Variants in PHAF1 observed in about 807,000 individuals in gnomAD.
The protein encoded by PHAF1 is phagophore assembly factor 1.
Under a neutral mutation model 63.1 loss-of-function variants are expected in PHAF1, and 23 were observed. That is an observed-to-expected ratio of 0.36 (90% CI 0.26 to 0.52). PHAF1 has a LOEUF of 0.52. PHAF1 is among the 20% of genes least tolerant of loss of function. PHAF1 has a pLI of 0.93. For synonymous variants in PHAF1, 167 were observed against 185.0 expected (o/e 0.90, Z 0.79); for missense variants, 427 against 517.2 (o/e 0.83, Z 1.69).
intron 3 of PHAF1, 79 bp from the exon 4 acceptor site, chr16:67,131,207 T>A: frequency 1.4e-6 from 1 of 692,438 alleles, no homozygotes; most frequent in Non-Finnish European, 2.3e-6. Context: ...TTTTACTATT[T>A]ATTCTATAAA....
chr16:67,139,343 C>CTTTTT (rs1164245105), intron 8 of PHAF1, among the ~76,000 whole-genome samples: 20 of 86,890 alleles, frequency 2.3e-4, no homozygotes, highest in East Asian at 3.6e-4. Context: ...ACAGCACTGC[C>CTTTTT]TTTTTTTTTT....
chr16:67,147,563 C>A lies in PHAF1; in HGVS notation c.*432C>A. On this transcript the variant is annotated 3_prime_UTR_variant, in exon 16 of 16. Transcript: ENST00000219139. ...CATGACCCTTAAGGCAAGCAGGTAGCGTGTCCATAGTACTTGGTTGCGACA... is the reference window on the plus strand; with the variant it reads ...CATGACCCTTAAGGCAAGCAGGTAGAGTGTCCATAGTACTTGGTTGCGACA... 1 of 169,516 alleles carries A rather than the reference C, an allele frequency of 5.9e-6. No homozygotes were observed. The highest frequency in any genetic ancestry group is 1.3e-5 in the Non-Finnish European group (1 of 79,508). The allele number at this position is 169,516 out of a possible 1,614,324, so 10.5% of individuals were successfully genotyped here. A position where few individuals can be genotyped will look rare whatever the true frequency, so the allele number is the denominator to read the frequency against.
Position 67,143,572 on chromosome 16 carries a change from C to T in PHAF1, c.880-722C>T, listed in dbSNP as rs140128036. ...GGTTTCCTCATCTGTAAAGAGGAAC[C>T]TGCCTTGAAAGTTTGTAAAGCACCT... On this transcript the variant is annotated intron_variant, in intron 10 of 15. Coordinates refer to ENST00000219139, the MANE Select transcript of PHAF1 (RefSeq NM_025187.5). 2.5e-4 allele frequency among the ~76,000 whole-genome samples: 38 copies of T among 152,278 alleles called. No individual in the cohort carries two copies. In the East Asian group the frequency reaches 7.1e-3, roughly 29 times the overall value.
chr16:67,138,102 A>G (rs1042414984), intron 8 of PHAF1, among the ~76,000 whole-genome samples: 1 of 152,106 alleles, frequency 6.6e-6, no homozygotes, highest in Non-Finnish European at 1.5e-5. Context: ...ATACCTGGAT[A>G]TACTTCAAGC....
Position 67,134,254 on chromosome 16 carries a change from G to A in PHAF1, c.537G>A (p.Leu179=), listed in dbSNP as rs1299670270. 6.2e-7 allele frequency: 1 copy of A among 1,613,450 alleles called. No homozygotes were observed. Among genetic ancestry groups the A allele is most frequent in the African/African-American group, 1.3e-5 (1 of 75,036 alleles). Residue 179 remains leucine (L), a synonymous_variant, in exon 7 of 16, where the codon CTG becomes CTA. Coordinates refer to ENST00000219139, the MANE Select transcript of PHAF1 (RefSeq NM_025187.5). ...KRMYIYSGNS[L]QDTKAPMMPL... ...TGTACATCTACAGTGGCAACAGCCT[G>A]CAGGATACCAAGTAAGTATAAGGAG... is the stretch of plus-strand genomic sequence containing the variant.
At chr16:67,130,538 A>G (rs1963354692) in intron 3 of PHAF1, among the ~76,000 whole-genome samples, 1 of 151,584 alleles carries the variant, frequency 6.6e-6, no homozygotes, top group African/African-American at 2.4e-5. Context: ...TGGTAGAGAC[A>G]GGATTTCACC....
chr16:67,116,611 A>C (rs1431249770), intron 1 of PHAF1, among the ~76,000 whole-genome samples: 1 of 152,176 alleles, frequency 6.6e-6, no homozygotes, highest in African/African-American at 2.4e-5. Context: ...GCACTTTAGA[A>C]AGCGGAGGTG....
At chr16:67,144,905 G>A (rs1459818809) in intron 12 of PHAF1, 28 bp downstream of exon 12, 3 of 1,609,778 alleles carry the variant, frequency 1.9e-6, no homozygotes, top group African/African-American at 1.3e-5. Flanking sequence ...TCAGGGTAAG[G>A]GAGGGGTTTT....
chr16:67,131,430 AAT>A (rs1453423372), intron 4 of PHAF1, 101 bp downstream of exon 4: 1 of 887,688 alleles, frequency 1.1e-6, no homozygotes, highest in African/African-American at 1.7e-5. Context: ...CACAGATGTG[AAT>A]TATAGCCTGG....
chr16:67,138,168 A>C (rs1963677726), intron 8 of PHAF1, among the ~76,000 whole-genome samples: 1 of 152,212 alleles, frequency 6.6e-6, no homozygotes, highest in East Asian at 1.9e-4. Context: ...CCCCCATCTG[A>C]CATCCACACG....
chr16:67,118,554 C>T (rs1962845786), intron 1 of PHAF1, among the ~76,000 whole-genome samples: 1 of 151,374 alleles, frequency 6.6e-6, no homozygotes, highest in African/African-American at 2.4e-5. Flanking sequence ...CTAGGTTGGT[C>T]TTGAACTTCT....
chr16:67,124,480 C>G (rs1230682994), intron 2 of PHAF1, among the ~76,000 whole-genome samples: 1 of 152,216 alleles, frequency 6.6e-6, no homozygotes, highest in Non-Finnish European at 1.5e-5. Flanking sequence ...GAGAGAATTT[C>G]TCCAATGAGG....
At chr16:67,131,072 G>C (rs1963374141) in intron 3 of PHAF1, among the ~76,000 whole-genome samples, 1 of 151,332 alleles carries the variant, frequency 6.6e-6, no homozygotes, top group Admixed American at 6.6e-5. Flanking sequence ...GGGCAACATA[G>C]TTTTTTAGTT....
intron 8 of PHAF1, among the ~76,000 whole-genome samples, chr16:67,138,513 C>CTT (rs879753441): frequency 6.9e-6 from 1 of 145,550 alleles, no homozygotes; most frequent in Admixed American, 6.9e-5. Context: ...TCTTGGCTTC[C>CTT]TTTTTTTTTT....
chr16:67,133,765 G>A (rs1005517488), intron 6 of PHAF1, among the ~76,000 whole-genome samples: 2 of 150,396 alleles, frequency 1.3e-5, no homozygotes, highest in African/African-American at 4.9e-5. Flanking sequence ...GGGCGACAGA[G>A]CGAGACTCCG....
intron 10 of PHAF1, among the ~76,000 whole-genome samples, chr16:67,143,961 G>A (rs1433924759): frequency 6.6e-6 from 1 of 152,090 alleles, no homozygotes; most frequent in African/African-American, 2.4e-5. Flanking sequence ...AAACAGCCAG[G>A]CGTGGTGGTG....
intron 11 of PHAF1, 21 bp from the exon 12 acceptor site, chr16:67,144,802 GCCCAGCCTTTA>G: frequency 6.2e-7 from 1 of 1,612,496 alleles, no homozygotes; most frequent in Non-Finnish European, 8.5e-7. Context: ...CTTCTAGGAG[GCCCAGCCTTTA>G]CCCATTTGCC....
intron 8 of PHAF1, among the ~76,000 whole-genome samples, chr16:67,136,982 A>G (rs897745908): frequency 3.3e-5 from 5 of 152,140 alleles, no homozygotes; most frequent in Non-Finnish European, 5.9e-5. Context: ...GTGAAACCCC[A>G]TCTCTACTAA....
chr16:67,135,137 T>G (rs904529220), intron 8 of PHAF1: 8 of 158,450 alleles, frequency 5.0e-5, no homozygotes, highest in African/African-American at 1.9e-4. Context: ...TGCTCTCCCC[T>G]TTTTTGTTTT....
Sources: gnomAD v4.1 joint callset for allele counts (sites outside exome capture counted in the v4.1 genomes callset) on GRCh38, gnomAD v4.1.1 for gene constraint, MANE v1.5 for transcripts, NCBI Gene and HGNC (gene_info 2026-07-23, HGNC 2026-07-21) for gene names.